ACVR1: variants seen among roughly 807,000 people sequenced by gnomAD.
ACVR1 encodes the protein activin receptor type-1.
A neutral mutation model predicts 57.1 loss-of-function variants in ACVR1; 38 were observed. The observed-to-expected ratio is 0.67, with a 90% CI of 0.51 to 0.87. The LOEUF (loss-of-function observed/expected upper bound fraction) is 0.87, where lower values mean the gene tolerates loss of function less well. Among genes scored for constraint, ACVR1 ranks in the 40% least tolerant of loss-of-function variants. ACVR1 has a pLI of 0.00. For synonymous variants in ACVR1, 212 were observed against 228.1 expected (o/e 0.93, Z 0.63); for missense variants, 463 against 638.2 (o/e 0.73, Z 2.96).
chr2:157,751,570 C>G (rs899671884), intron 9 of ACVR1, among the ~76,000 whole-genome samples: 1 of 152,250 alleles, frequency 6.6e-6, no homozygotes, highest in Non-Finnish European at 1.5e-5. Flanking sequence ...CTCAGCCCTG[C>G]TGGCCCACTG....
intron 3 of ACVR1, among the ~76,000 whole-genome samples, chr2:157,792,216 C>G (rs1686942267): frequency 1.3e-5 from 2 of 151,922 alleles, no homozygotes; most frequent in African/African-American, 4.8e-5. Flanking sequence ...CTCTCCTTCC[C>G]ACAACTCTCC....
At chr2:157,851,922 C>T (rs1284991620) in intron 1 of ACVR1, among the ~76,000 whole-genome samples, 4 of 147,652 alleles carry the variant, frequency 2.7e-5, no homozygotes, top group African/African-American at 7.5e-5. Context: ...ACCCCCACCC[C>T]ACCCGCCCAG....
intron 3 of ACVR1, among the ~76,000 whole-genome samples, chr2:157,788,232 T>C (rs1686784986): frequency 1.3e-5 from 2 of 152,124 alleles, no homozygotes; most frequent in Admixed American, 1.3e-4. Context: ...TATCCCCCCT[T>C]ATGCACCGTT....
At chr2:157,871,052 G>T (rs1558860256) in intron 1 of ACVR1, among the ~76,000 whole-genome samples, 1 of 152,168 alleles carries the variant, frequency 6.6e-6, no homozygotes, top group Non-Finnish European at 1.5e-5. Context: ...TGTGTTAGGT[G>T]CAAAAGTTAC....
At chr2:157,795,700 T>C (rs1227884023) in intron 3 of ACVR1, among the ~76,000 whole-genome samples, 1 of 152,066 alleles carries the variant, frequency 6.6e-6, no homozygotes, top group Admixed American at 6.5e-5. Context: ...CACTGTGGCA[T>C]TAAGAGGTTA....
intron 3 of ACVR1, among the ~76,000 whole-genome samples, chr2:157,797,409 A>T (rs1329585005): frequency 6.6e-6 from 1 of 152,208 alleles, no homozygotes; most frequent in Non-Finnish European, 1.5e-5. Context: ...CATTAGTCTT[A>T]CTGTCCCATC....
At chr2:157,741,692 T>C (rs1684776405) in intron 9 of ACVR1, among the ~76,000 whole-genome samples, 8 of 144,900 alleles carry the variant, frequency 5.5e-5, no homozygotes, top group Admixed American at 3.4e-4. Context: ...AGCAGAATAA[T>C]GAGAAAGGTG....
rs558703286 is a variant in ACVR1, at chr2:157,785,909, T to C, written c.68-5309A>G. ...TCTCGGGCTTCCATCACACTCAAAGTAGAGACCAGTCATTAACCTGGCCTA... is the reference window on the plus strand; with the variant it reads ...TCTCGGGCTTCCATCACACTCAAAGCAGAGACCAGTCATTAACCTGGCCTA... On this transcript the variant is annotated intron_variant, in intron 3 of 10. Coordinates refer to ENST00000434821, the MANE Select transcript of ACVR1 (RefSeq NM_001111067.4). Among the ~76,000 whole-genome samples, 5 of 152,250 alleles carry C rather than the reference T, an allele frequency of 3.3e-5. No homozygotes were observed. In the South Asian group the frequency reaches 1.0e-3, roughly 32 times the overall value.
intron 8 of ACVR1, among the ~76,000 whole-genome samples, chr2:157,762,988 G>A (rs1172441498): frequency 6.6e-6 from 1 of 152,184 alleles, no homozygotes; most frequent in African/African-American, 2.4e-5. Flanking sequence ...TCAAGAGACT[G>A]TGTGAGATAA....
At chr2:157,852,271 G>A (rs1209655604) in intron 1 of ACVR1, among the ~76,000 whole-genome samples, 14 of 152,160 alleles carry the variant, frequency 9.2e-5, no homozygotes, top group South Asian at 2.1e-4. Context: ...GCCGAGGCGG[G>A]TGGATCGCTT....
chr2:157,834,352 C>G (rs1348108081), intron 1 of ACVR1, among the ~76,000 whole-genome samples: 1 of 151,996 alleles, frequency 6.6e-6, no homozygotes, highest in Non-Finnish European at 1.5e-5. Context: ...CTCGGCCTCC[C>G]AAAGTGCTAG....
At chr2:157,797,495 C>A (rs1365418170) in intron 3 of ACVR1, among the ~76,000 whole-genome samples, 5 of 152,302 alleles carry the variant, frequency 3.3e-5, no homozygotes, top group East Asian at 1.9e-4. Context: ...AAAGTGGGCA[C>A]TGCTCAATGT....
rs147657945 is a variant in ACVR1, at chr2:157,856,477, T to C, written c.-183+19319A>G. On this transcript the variant is annotated intron_variant, in intron 1 of 10. Coordinates refer to ENST00000434821, the MANE Select transcript of ACVR1 (RefSeq NM_001111067.4). Reference sequence around the variant, plus strand: ...GATCATTACAAAAAATTAAAACTTGTCAGTGGCCCATTGTGATAAATGTGG... The same window carrying C: ...GATCATTACAAAAAATTAAAACTTGCCAGTGGCCCATTGTGATAAATGTGG... 2.2e-3 allele frequency among the ~76,000 whole-genome samples: 339 copies of C among 152,350 alleles called. 2 individuals are homozygous for C. Among genetic ancestry groups the C allele is most frequent in the African/African-American group, 7.9e-3 (330 of 41,568 alleles).
Position 157,737,442 on chromosome 2 carries a change from T to C in ACVR1, c.*89A>G, listed in dbSNP as rs1464590419. On this transcript the variant is annotated 3_prime_UTR_variant, in exon 11 of 11. Transcript: ENST00000434821. ...CATTTGGGGAGGGAGACAGATGGATTCCATTCTGACAACCAGTCAGGCCAG... is the reference window on the plus strand; with the variant it reads ...CATTTGGGGAGGGAGACAGATGGATCCCATTCTGACAACCAGTCAGGCCAG... The C allele has an allele frequency of 6.6e-7, 1 of 1,519,202 alleles. No homozygotes were observed. The highest frequency in any genetic ancestry group is 1.4e-5 in the African/African-American group (1 of 72,562). 94.1% of individuals were successfully genotyped at this position (1,519,202 alleles called of 1,614,324 possible).
intron 2 of ACVR1, among the ~76,000 whole-genome samples, chr2:157,806,169 A>T (rs868004354): frequency 1.3e-5 from 2 of 152,218 alleles, no homozygotes; most frequent in Middle Eastern, 3.4e-3. Flanking sequence ...TCTGAACTTC[A>T]ACTGAAAATC....
At chr2:157,838,935 A>C (rs1451218233) in intron 1 of ACVR1, among the ~76,000 whole-genome samples, 1 of 151,536 alleles carries the variant, frequency 6.6e-6, no homozygotes, top group Non-Finnish European at 1.5e-5. Flanking sequence ...CCTCAGCCCC[A>C]CTCCTTTTTG....
chr2:157,787,731 T>C (rs1488774837), intron 3 of ACVR1, among the ~76,000 whole-genome samples: 2 of 152,170 alleles, frequency 1.3e-5, no homozygotes, highest in African/African-American at 2.4e-5. Flanking sequence ...AGAGAGTGTA[T>C]GGCATTTCAG....
At chr2:157,846,517 C>G (rs1689130189) in intron 1 of ACVR1, among the ~76,000 whole-genome samples, 1 of 152,216 alleles carries the variant, frequency 6.6e-6, no homozygotes, top group Non-Finnish European at 1.5e-5. Context: ...TGTTTTAACA[C>G]TTCCTAACTC....
chr2:157,757,334 C>CA (rs1023875128), intron 9 of ACVR1, among the ~76,000 whole-genome samples: 2 of 151,338 alleles, frequency 1.3e-5, no homozygotes, highest in South Asian at 2.1e-4. Context: ...CCCTATCCCC[C>CA]AAAAAAAGCT....
Sources: gnomAD v4.1 joint callset for allele counts (sites outside exome capture counted in the v4.1 genomes callset) on GRCh38, gnomAD v4.1.1 for gene constraint, MANE v1.5 for transcripts, NCBI Gene and HGNC (gene_info 2026-07-23, HGNC 2026-07-21) for gene names.